HHAT: variants seen among roughly 807,000 people sequenced by gnomAD.
HHAT encodes the protein protein-cysteine N-palmitoyltransferase HHAT.
A neutral mutation model predicts 70.8 loss-of-function variants in HHAT; 47 were observed. The ratio of observed to expected loss-of-function variants is 0.66; its 90% CI spans 0.53 to 0.85. HHAT has a LOEUF of 0.85. Among genes scored for constraint, HHAT ranks in the 40% least tolerant of loss-of-function variants. HHAT has a pLI of 0.00. For missense variants in HHAT, 609 were observed against 604.8 expected, an observed-to-expected ratio of 1.01 and a Z score of -0.07; for synonymous variants, 228 against 247.6, an observed-to-expected ratio of 0.92 and a Z score of 0.74.
At chr1:210,609,705 C>A (rs1270550879) in intron 10 of HHAT, among the ~76,000 whole-genome samples, 1 of 152,126 alleles carries the variant, frequency 6.6e-6, no homozygotes, top group Non-Finnish European at 1.5e-5. Context: ...TTGTTCCCCA[C>A]CATGGGTCCA....
chr1:210,474,333 G>A (rs955036554), intron 8 of HHAT, among the ~76,000 whole-genome samples: 1 of 152,074 alleles, frequency 6.6e-6, no homozygotes, highest in Non-Finnish European at 1.5e-5. Context: ...CTCTGTTGCC[G>A]AGGCTAGATT....
intron 1 of HHAT, chr1:210,329,584 C>A (rs1000806056): frequency 8.4e-6 from 5 of 593,052 alleles, no homozygotes; most frequent in Non-Finnish European, 1.1e-5. Context: ...AAAACCCTCC[C>A]GCTAATCCTC....
At chr1:210,421,498 T>C (rs1194932426) in intron 7 of HHAT, among the ~76,000 whole-genome samples, 1 of 152,184 alleles carries the variant, frequency 6.6e-6, no homozygotes, top group Non-Finnish European at 1.5e-5. Flanking sequence ...CAGGCTGAAG[T>C]ACAGTGGGGC....
chr1:210,581,134 G>A (rs371797480), intron 9 of HHAT, among the ~76,000 whole-genome samples: 1 of 152,178 alleles, frequency 6.6e-6, no homozygotes, highest in African/African-American at 2.4e-5. Flanking sequence ...CTTTTGAGAA[G>A]TGTCTGTTCA....
In HHAT at chr1:210,600,090, C is replaced by G. The variant is rs548252837; in HGVS notation, c.1245+11991C>G. On this transcript the variant is annotated intron_variant, in intron 10 of 11. Transcript: ENST00000261458. ...GGAAACCCTTCACTGGCCCTCCTAA[C>G]TCAATTAGATCCCATTTGATAATTT... 3.3e-4 allele frequency among the ~76,000 whole-genome samples: 50 copies of G among 152,284 alleles called. No individual in the cohort carries two copies. In the South Asian group the frequency reaches 0.01, roughly 31 times the overall value.
At chr1:210,419,559 G>C (rs2092831402) in intron 7 of HHAT, among the ~76,000 whole-genome samples, 1 of 152,184 alleles carries the variant, frequency 6.6e-6, no homozygotes, top group South Asian at 2.1e-4. Context: ...GGCAGATCAA[G>C]CTGTTCCCTG....
At chr1:210,535,657 G>A (rs1335258406) in intron 9 of HHAT, among the ~76,000 whole-genome samples, 1 of 151,594 alleles carries the variant, frequency 6.6e-6, no homozygotes, top group Non-Finnish European at 1.5e-5. Flanking sequence ...ACTCTTGCTG[G>A]TGTGTGTTTG....
chr1:210,382,382 A>G (rs916841141), intron 3 of HHAT, among the ~76,000 whole-genome samples: 1 of 152,206 alleles, frequency 6.6e-6, no homozygotes, highest in African/African-American at 2.4e-5. Flanking sequence ...AGGAAATTCA[A>G]TCCCAGATAG....
chr1:210,661,602 G>A (rs548259453), intron 11 of HHAT, among the ~76,000 whole-genome samples: 11 of 152,262 alleles, frequency 7.2e-5, no homozygotes, highest in Non-Finnish European at 1.5e-4. Flanking sequence ...ACATGCACAC[G>A]TATGTTTATT....
chr1:210,564,307 C>A (rs1257917127), intron 9 of HHAT, among the ~76,000 whole-genome samples: 5 of 151,956 alleles, frequency 3.3e-5, no homozygotes, highest in South Asian at 2.1e-4. Flanking sequence ...AGTGTGAGCA[C>A]GTAGAAGTTA....
intron 8 of HHAT, among the ~76,000 whole-genome samples, chr1:210,467,241 C>T (rs1426951755): frequency 1.3e-5 from 2 of 152,044 alleles, no homozygotes; most frequent in Non-Finnish European, 2.9e-5. Context: ...TGGAGATGAA[C>T]TTTTTCTGAG....
chr1:210,599,401 C>A (rs749469545), intron 10 of HHAT, among the ~76,000 whole-genome samples: 7 of 152,104 alleles, frequency 4.6e-5, no homozygotes, highest in Non-Finnish European at 1.0e-4. Flanking sequence ...GGCTGCTGAA[C>A]CTCTTGACTT....
chr1:210,612,640 C>T (rs1184254844), intron 10 of HHAT, among the ~76,000 whole-genome samples: 1 of 152,100 alleles, frequency 6.6e-6, no homozygotes, highest in African/African-American at 2.4e-5. Context: ...GAGTCCCTTT[C>T]AGTTCTTTTT....
At chr1:210,368,585 C>G (rs2089245782) in intron 3 of HHAT, among the ~76,000 whole-genome samples, 1 of 151,858 alleles carries the variant, frequency 6.6e-6, no homozygotes, top group South Asian at 2.1e-4. Flanking sequence ...GCCACTGTGC[C>G]TGGCCTCATT....
intron 10 of HHAT, among the ~76,000 whole-genome samples, chr1:210,601,119 G>C (rs1372783272): frequency 1.3e-5 from 2 of 152,022 alleles, no homozygotes; most frequent in African/African-American, 2.4e-5. Flanking sequence ...CAAAGACTCT[G>C]TGGTGGTGGT....
At chr1:210,590,714 C>T (rs749472786) in intron 10 of HHAT, among the ~76,000 whole-genome samples, 72 of 152,194 alleles carry the variant, frequency 4.7e-4, no homozygotes, top group Non-Finnish European at 8.4e-4. Flanking sequence ...ATTCAGTCTA[C>T]TGATTCAAAT....
rs34228541 is a variant in HHAT, at chr1:210,404,557, T to C, written c.562T>C (p.Cys188Arg). The part of the protein sequence containing the change: ...LYYTSFSLEL[C>R]WQQLPAASTS... ...CTACACCAGCTTCAGCCTGGAGCTC[T>C]GCTGGCAGCAGCTGCCTGCTGCATC... Residue 188 changes from cysteine (C) to arginine (R), a missense_variant, in exon 6 of 12, where the codon TGC becomes CGC. Transcript: ENST00000261458. 267,520 of 1,613,184 alleles carry C rather than the reference T, an allele frequency of 0.17. 24,198 individuals are homozygous for C. The highest frequency in any genetic ancestry group is 0.19 in the Non-Finnish European group (224,472 of 1,179,206).
intron 9 of HHAT, among the ~76,000 whole-genome samples, chr1:210,523,026 C>G (rs2095184437): frequency 6.6e-6 from 1 of 152,116 alleles, no homozygotes; most frequent in African/African-American, 2.4e-5. Context: ...CATTTTCTTT[C>G]CGACCAGGTT....
chr1:210,430,415 C>G (rs1369060298), intron 7 of HHAT, among the ~76,000 whole-genome samples: 6 of 151,668 alleles, frequency 4.0e-5, no homozygotes, highest in Non-Finnish European at 2.9e-5. Flanking sequence ...GTGAGTAGAC[C>G]TGGGGAATAT....
Sources: gnomAD v4.1 joint callset for allele counts (sites outside exome capture counted in the v4.1 genomes callset) on GRCh38, gnomAD v4.1.1 for gene constraint, MANE v1.5 for transcripts, NCBI Gene and HGNC (gene_info 2026-07-23, HGNC 2026-07-21) for gene names.